Variants in GRID2 observed in about 807,000 individuals in gnomAD.
GRID2 encodes glutamate receptor ionotropic, delta-2.
In GRID2, 33 loss-of-function variants were observed where a neutral mutation model predicts 114.8. The observed-to-expected ratio is 0.29, with a 90% CI of 0.22 to 0.38. GRID2 has a LOEUF of 0.38. Ranked by LOEUF, GRID2 falls within the 10% of genes least tolerant of loss-of-function variation. GRID2 has a pLI of 1.00. For missense variants in GRID2, 1,184 were observed against 1,257.7 expected (o/e 0.94, Z 0.89); for synonymous variants, 505 against 449.9 (o/e 1.12, Z -1.55).
chr4:92,726,239 A>T (rs1007560529), intron 2 of GRID2, among the ~76,000 whole-genome samples: 1 of 152,140 alleles, frequency 6.6e-6, no homozygotes, highest in African/African-American at 2.4e-5. Context: ...TCTTCTCTCA[A>T]ATATATTCTC....
chr4:93,624,787 T>A (rs1380020062), intron 13 of GRID2, among the ~76,000 whole-genome samples: 1 of 152,220 alleles, frequency 6.6e-6, no homozygotes, highest in Non-Finnish European at 1.5e-5. Flanking sequence ...GTTGAAAATA[T>A]ACCTTATTGA....
At chr4:93,289,472 G>T (rs1425921869) in intron 8 of GRID2, among the ~76,000 whole-genome samples, 1 of 152,086 alleles carries the variant, frequency 6.6e-6, no homozygotes, top group East Asian at 1.9e-4. Flanking sequence ...AAGGATGCTG[G>T]CTGCCTGGCT....
chr4:92,537,954 T>C (rs12643027), intron 1 of GRID2, among the ~76,000 whole-genome samples: 32,287 of 151,994 alleles, frequency 0.21, 3,819 homozygotes, highest in South Asian at 0.29. Context: ...TATAAGAAAA[T>C]GTTATCTTCT....
intron 2 of GRID2, among the ~76,000 whole-genome samples, chr4:92,881,205 T>C (rs933560388): frequency 2.6e-5 from 4 of 152,150 alleles, no homozygotes; most frequent in Admixed American, 1.3e-4. Flanking sequence ...GCTCGGCCTC[T>C]TTTTTTCTTT....
At chr4:93,082,991 A>G (rs942748209) in intron 2 of GRID2, among the ~76,000 whole-genome samples, 3 of 152,176 alleles carry the variant, frequency 2.0e-5, no homozygotes, top group Non-Finnish European at 2.9e-5. Context: ...CATGTGACAG[A>G]ATATAATATT....
intron 1 of GRID2, among the ~76,000 whole-genome samples, chr4:93,799,727 C>T (rs1221910776): frequency 1.3e-5 from 2 of 151,966 alleles, no homozygotes; most frequent in Non-Finnish European, 2.9e-5. Flanking sequence ...CAAGTATATC[C>T]TTTGTTTCTT....
At chr4:93,484,662 C>T (rs1464123605) in intron 11 of GRID2, among the ~76,000 whole-genome samples, 1 of 151,844 alleles carries the variant, frequency 6.6e-6, no homozygotes. Context: ...ATTACAGCTC[C>T]ACATTTGCCT....
chr4:92,656,249 G>A (rs1732228344), intron 2 of GRID2, among the ~76,000 whole-genome samples: 1 of 151,698 alleles, frequency 6.6e-6, no homozygotes, highest in African/African-American at 2.4e-5. Flanking sequence ...AACAAGGTAT[G>A]AGGTGATATC....
intron 2 of GRID2, among the ~76,000 whole-genome samples, chr4:92,785,665 G>T (rs1324721081): frequency 6.6e-6 from 1 of 151,540 alleles, no homozygotes; most frequent in Non-Finnish European, 1.5e-5. Context: ...CTAGTGTTTT[G>T]TCATTTTCAG....
chr4:93,227,952 C>T (rs759291009), intron 7 of GRID2, among the ~76,000 whole-genome samples: 1 of 152,190 alleles, frequency 6.6e-6, no homozygotes, highest in Non-Finnish European at 1.5e-5. Context: ...ACTTTCTCTA[C>T]AGCTCTCCTC....
At chr4:92,680,327 T>G (rs1733589582) in intron 2 of GRID2, among the ~76,000 whole-genome samples, 1 of 152,136 alleles carries the variant, frequency 6.6e-6, no homozygotes, top group African/African-American at 2.4e-5. Context: ...ATTCACACAT[T>G]TAATAAGTGT....
rs114762214 is a variant in GRID2, at chr4:93,364,553, C to T, written c.1246-31054C>T. The stretch of plus-strand genomic sequence containing the variant: ...GTGGTGTAATCATAGCTCACCGTAA[C>T]GTTCAACTCCTGGGCTCAAGCAATC... On this transcript the variant is annotated intron_variant, in intron 8 of 15. Transcript: ENST00000282020. Among the ~76,000 whole-genome samples the T allele has an allele frequency of 7.1e-3, 1,078 of 152,124 alleles. 11 individuals carry two copies. Among genetic ancestry groups the T allele is most frequent in the African/African-American group, 0.024 (995 of 41,522 alleles).
At chr4:92,933,881 T>G (rs1017484621) in intron 2 of GRID2, among the ~76,000 whole-genome samples, 2 of 151,720 alleles carry the variant, frequency 1.3e-5, no homozygotes, top group African/African-American at 4.8e-5. Context: ...TTAGATTCAC[T>G]TTGTTTGTAA....
chr4:92,337,554 C>A (rs1205327879), intron 1 of GRID2, among the ~76,000 whole-genome samples: 1 of 152,142 alleles, frequency 6.6e-6, no homozygotes, highest in African/African-American at 2.4e-5. Flanking sequence ...CCTCAGAAAA[C>A]TCAACAATCA....
chr4:93,226,064 A>G (rs1745448368), intron 7 of GRID2, among the ~76,000 whole-genome samples: 1 of 152,168 alleles, frequency 6.6e-6, no homozygotes, highest in African/African-American at 2.4e-5. Flanking sequence ...CCTTAATACC[A>G]TTGCAATAGC....
chr4:93,591,041 C>T lies in GRID2; in HGVS notation c.2194-35228C>T, dbSNP rs1053020107. 6.7e-5 allele frequency among the ~76,000 whole-genome samples: 10 copies of T among 150,292 alleles called. No homozygotes were observed. In the Admixed American group the frequency reaches 6.7e-4, roughly 10 times the overall value. ...CTTCCTCTTTTCCTAATTGAATACCCTTTATTTCCTTCTCCTGCCTAATTG... is the reference window on the plus strand; with the variant it reads ...CTTCCTCTTTTCCTAATTGAATACCTTTTATTTCCTTCTCCTGCCTAATTG... On this transcript the variant is annotated intron_variant, in intron 13 of 15. Coordinates refer to ENST00000282020, the MANE Select transcript of GRID2 (RefSeq NM_001510.4).
intron 13 of GRID2, among the ~76,000 whole-genome samples, chr4:93,559,585 G>A (rs564918959): frequency 1.6e-4 from 25 of 152,314 alleles, no homozygotes; most frequent in African/African-American, 5.5e-4. Flanking sequence ...AACAACAGAT[G>A]CGGGAGAGGA....
At chr4:92,617,711 A>G (rs935927061) in intron 2 of GRID2, among the ~76,000 whole-genome samples, 1 of 151,728 alleles carries the variant, frequency 6.6e-6, no homozygotes, top group African/African-American at 2.4e-5. Context: ...AAACTACAGT[A>G]TGATACAACA....
At chr4:93,351,916 C>T (rs142643120) in intron 8 of GRID2, among the ~76,000 whole-genome samples, 25 of 152,122 alleles carry the variant, frequency 1.6e-4, no homozygotes, top group African/African-American at 5.3e-4. Flanking sequence ...AGAATCATAA[C>T]AACATTAACA....
Sources: allele counts gnomAD v4.1 joint callset (sites outside exome capture counted in the v4.1 genomes callset), GRCh38; gene constraint gnomAD v4.1.1; transcripts MANE v1.5; gene names NCBI Gene and HGNC (gene_info 2026-07-23, HGNC 2026-07-21).